Variants in NAV3 observed in about 807,000 individuals in gnomAD.
NAV3 encodes neuron navigator 3.
In NAV3, 87 loss-of-function variants were observed where a neutral mutation model predicts 244.7. The observed-to-expected ratio is 0.36, with a 90% CI of 0.30 to 0.42. The LOEUF is 0.42. NAV3 is among the 20% of genes least tolerant of loss of function. The pLI is 1.00. For missense variants in NAV3, 2,663 were observed against 2,893.3 expected (o/e 0.92, Z 1.83); for synonymous variants, 1,126 against 1,042.2 (o/e 1.08, Z -1.55).
intron 2 of NAV3, among the ~76,000 whole-genome samples, chr12:77,644,976 G>A (rs188764523): frequency 1.3e-5 from 2 of 151,994 alleles, no homozygotes; most frequent in African/African-American, 4.8e-5. Context: ...CTTTACCCAA[G>A]GTCTCTAAAA....
At chr12:78,086,708 C>T (rs1395247546) in intron 12 of NAV3, among the ~76,000 whole-genome samples, 1 of 152,010 alleles carries the variant, frequency 6.6e-6, no homozygotes, top group Non-Finnish European at 1.5e-5. Context: ...GAATTAAAGA[C>T]TTGGAAAGAT....
intron 1 of NAV3, among the ~76,000 whole-genome samples, chr12:77,848,661 T>A (rs900724713): frequency 7.9e-5 from 12 of 152,224 alleles, no homozygotes; most frequent in Non-Finnish European, 5.9e-5. Context: ...TCATTTTTAA[T>A]ACAGCACATA....
At chr12:78,024,526 C>T (rs1456861026) in intron 9 of NAV3, among the ~76,000 whole-genome samples, 2 of 152,150 alleles carry the variant, frequency 1.3e-5, no homozygotes, top group Non-Finnish European at 2.9e-5. Flanking sequence ...GAACCACTGT[C>T]ATCACATCTA....
At chr12:78,068,568 A>G (rs762628139) in intron 12 of NAV3, among the ~76,000 whole-genome samples, 2 of 148,552 alleles carry the variant, frequency 1.3e-5, no homozygotes, top group African/African-American at 2.4e-5. Flanking sequence ...GCTGATATCA[A>G]TAAAGCAATT....
At chr12:77,654,457 C>G (rs2694382) in intron 2 of NAV3, among the ~76,000 whole-genome samples, 27,517 of 152,156 alleles carry the variant, frequency 0.18, 3,311 homozygotes, top group African/African-American at 0.34. Flanking sequence ...TCAGGAAGCT[C>G]CAACTGGGTG....
chr12:77,895,944 T>G (rs1184781317), intron 1 of NAV3, among the ~76,000 whole-genome samples: 1 of 119,632 alleles, frequency 8.4e-6, no homozygotes, highest in Admixed American at 9.0e-5. Flanking sequence ...CCTTTTGATC[T>G]CAATTTCCAG....
At chr12:77,820,872 A>G (rs1872713295) in intron 2 of NAV3, among the ~76,000 whole-genome samples, 1 of 152,222 alleles carries the variant, frequency 6.6e-6, no homozygotes, top group Non-Finnish European at 1.5e-5. Context: ...CTTACTAAAT[A>G]TAGACCCAGC....
At chr12:78,024,748 T>C (rs1236907418) in intron 9 of NAV3, among the ~76,000 whole-genome samples, 3 of 151,890 alleles carry the variant, frequency 2.0e-5, no homozygotes, top group Non-Finnish European at 2.9e-5. Flanking sequence ...GAGGCCAAGG[T>C]GGGCAGATCA....
chr12:77,947,791 G>T (rs1279282208), intron 3 of NAV3, among the ~76,000 whole-genome samples: 1 of 152,002 alleles, frequency 6.6e-6, no homozygotes, highest in Admixed American at 6.6e-5. Context: ...GAATTTATAT[G>T]TAAGTTATTA....
At chr12:78,050,674 C>T (rs900248981) in intron 10 of NAV3, 90 bp from the exon 11 acceptor site, 1 of 1,361,438 alleles carries the variant, frequency 7.3e-7, no homozygotes, top group Non-Finnish European at 1.0e-6. Flanking sequence ...AAGAGATGAC[C>T]CTCAACTCCA....
At chr12:77,764,346 C>A (rs966059719) in intron 2 of NAV3, among the ~76,000 whole-genome samples, 2 of 152,156 alleles carry the variant, frequency 1.3e-5, no homozygotes, top group Non-Finnish European at 2.9e-5. Flanking sequence ...ACCACATAGG[C>A]AATCATAGTC....
chr12:77,946,494 T>C (rs919412773), intron 3 of NAV3, among the ~76,000 whole-genome samples: 1 of 152,142 alleles, frequency 6.6e-6, no homozygotes, highest in Non-Finnish European at 1.5e-5. Context: ...TTTTCTTTGA[T>C]GAGCTTGAGA....
At chr12:77,836,933 A>G (rs1874750498) in intron 1 of NAV3, among the ~76,000 whole-genome samples, 1 of 152,148 alleles carries the variant, frequency 6.6e-6, no homozygotes, top group Non-Finnish European at 1.5e-5. Context: ...GGTAAGAATT[A>G]TTTCTTGCTG....
intron 2 of NAV3, among the ~76,000 whole-genome samples, chr12:77,674,043 C>T (rs2137086521): frequency 6.6e-6 from 1 of 151,974 alleles, no homozygotes; most frequent in East Asian, 1.9e-4. Flanking sequence ...CCATCATTTC[C>T]AAAGGAGTCT....
At chr12:78,163,150 C>T (rs1023535926) in intron 23 of NAV3, among the ~76,000 whole-genome samples, 9 of 151,558 alleles carry the variant, frequency 5.9e-5, no homozygotes, top group Admixed American at 1.3e-4. Context: ...GACTCAGATT[C>T]TAGTCTTTGG....
At position 78,123,182 on chromosome 12, in the gene NAV3, A is replaced by C. The variant is rs1955751924; in HGVS notation, c.4238+754A>C. ...TTATACTGTACTGACTCTTACCACC[A>C]GGAAAATGTCTTAAAACCACTTCTT... On this transcript the variant is annotated intron_variant, in intron 16 of 39. Coordinates refer to ENST00000397909, the MANE Select transcript of NAV3 (RefSeq NM_001024383.2). Among the ~76,000 whole-genome samples the C allele has an allele frequency of 2.0e-5, 3 of 152,246 alleles. No individual in the cohort carries two copies. In the South Asian group the frequency reaches 6.2e-4, roughly 32 times the overall value.
chr12:77,820,330 G>C (rs909267412), intron 2 of NAV3, among the ~76,000 whole-genome samples: 2 of 152,078 alleles, frequency 1.3e-5, no homozygotes, highest in African/African-American at 4.8e-5. Context: ...CATAGTTCTA[G>C]AGCCTAGGAA....
chr12:78,151,756 G>A (rs1444355364), intron 22 of NAV3, among the ~76,000 whole-genome samples: 1 of 151,416 alleles, frequency 6.6e-6, no homozygotes, highest in Non-Finnish European at 1.5e-5. Context: ...TTGTATTCCT[G>A]GCTTTGATAT....
intron 24 of NAV3, 48 bp downstream of exon 24, chr12:78,168,914 T>A: frequency 8.1e-7 from 1 of 1,234,134 alleles, no homozygotes; most frequent in South Asian, 1.3e-5. Context: ...TAGACATCTA[T>A]TTTATTTATT....
Sources: allele counts gnomAD v4.1 joint callset (sites outside exome capture counted in the v4.1 genomes callset), GRCh38; gene constraint gnomAD v4.1.1; transcripts MANE v1.5; gene names NCBI Gene and HGNC (gene_info 2026-07-23, HGNC 2026-07-21).